The following RANBP1 variants were observed in gnomAD, a reference collection of about 807,000 sequenced individuals.
RANBP1 encodes ran-specific GTPase-activating protein.
In RANBP1, 16 loss-of-function variants were observed where a neutral mutation model predicts 31.4. The observed-to-expected ratio is 0.51, with a 90% CI of 0.34 to 0.77. RANBP1 has a LOEUF of 0.77. Ranked by LOEUF, RANBP1 falls within the 30% of genes least tolerant of loss-of-function variation. The probability of loss-of-function intolerance (pLI) is 0.01; values close to 1 mark genes in which losing one functional copy is unlikely to be tolerated. For missense variants in RANBP1, 265 were observed against 362.0 expected (o/e 0.73, Z 2.17); for synonymous variants, 129 against 140.5 (o/e 0.92, Z 0.58).
intron 1 of RANBP1, chr22:20,117,642 G>A: frequency 1.8e-6 from 2 of 1,120,306 alleles, no homozygotes; most frequent in Non-Finnish European, 2.2e-6. Flanking sequence ...CGCCGCCGCC[G>A]CGCCCCCATG....
At chr22:20,117,555 C>T (rs2147971018) in intron 1 of RANBP1, 1 of 1,410,542 alleles carries the variant, frequency 7.1e-7, no homozygotes, top group East Asian at 3.2e-5. Context: ...GGCGCCGGCG[C>T]CAGACGCGGA....
chr22:20,121,071 A>G (rs1036823293), intron 2 of RANBP1, among the ~76,000 whole-genome samples: 3 of 152,024 alleles, frequency 2.0e-5, no homozygotes, highest in Non-Finnish European at 4.4e-5. Flanking sequence ...TTCCTGCCTC[A>G]GCTTCTTGAA....
At chr22:20,119,908 C>G (rs1042350833) in intron 2 of RANBP1, among the ~76,000 whole-genome samples, 1 of 152,232 alleles carries the variant, frequency 6.6e-6, no homozygotes. Context: ...TGTACATGTG[C>G]TTCTTGACGC....
chr22:20,118,043 C>T, intron 1 of RANBP1: 1 of 993,028 alleles, frequency 1.0e-6, no homozygotes, highest in Non-Finnish European at 1.2e-6. Flanking sequence ...CTTTCCGTCG[C>T]CCACGCAGCA....
At position 20,119,058 on chromosome 22, in the gene RANBP1, T is replaced by C. The variant is rs763303315; in HGVS notation, c.292T>C (p.Ser98Pro). Reference sequence around the variant, plus strand: ...TACTTCCACTGAGAATACAGACGAGTCCAACCATGACCCTCAGTTTGAGCC... The same window carrying C: ...TACTTCCACTGAGAATACAGACGAGCCCAACCATGACCCTCAGTTTGAGCC... ...HDTSTENTDE[S>P]NHDPQFEPIV... is the part of the protein sequence containing the mutation. Residue 98 changes from serine (S) to proline (P), a missense_variant, in exon 2 of 6, where the codon TCC (serine) becomes CCC (proline). This residue lies in a region of RANBP1 where 90 missense variants were observed against 190.5 expected (regional missense o/e 0.47). Coordinates refer to ENST00000430524, the MANE Select transcript of RANBP1 (RefSeq NM_001278639.2). The C allele has an allele frequency of 3.1e-6, 5 of 1,612,554 alleles. No homozygotes were observed. In the East Asian group the frequency reaches 1.1e-4, roughly 36 times the overall value.
At chr22:20,116,534 C>T (rs1602524431) in intron 1 of RANBP1, 104 bp downstream of exon 1, 1 of 1,603,234 alleles carries the variant, frequency 6.2e-7, no homozygotes, top group Non-Finnish European at 8.5e-7. Flanking sequence ...GCTGCCGGGG[C>T]TGCAGGGGGC....
intron 1 of RANBP1, chr22:20,116,826 C>CATTTTTTAATGAT: frequency 6.9e-7 from 1 of 1,454,350 alleles, no homozygotes; most frequent in Non-Finnish European, 9.5e-7. Flanking sequence ...TTTCCTGACC[C>CATTTTTTAATGAT]ACCCCGCCTC....
chr22:20,120,641 T>C (rs539101286), intron 2 of RANBP1, among the ~76,000 whole-genome samples: 2 of 152,312 alleles, frequency 1.3e-5, no homozygotes, highest in South Asian at 4.1e-4. Flanking sequence ...CTGGGTGCCC[T>C]GGTCCCCAGC....
chr22:20,119,425 TTC>T, intron 2 of RANBP1: 1 of 420,656 alleles, frequency 2.4e-6, no homozygotes, highest in Non-Finnish European at 4.3e-6. Flanking sequence ...TGCCACTGGC[TTC>T]TGAGGATCCA....
chr22:20,123,681 G>A (rs1186243811), intron 3 of RANBP1, among the ~76,000 whole-genome samples: 3 of 151,962 alleles, frequency 2.0e-5, no homozygotes, highest in Non-Finnish European at 2.9e-5. Flanking sequence ...ATAAGTAGAG[G>A]CCCTTGGGCA....
chr22:20,117,504 G>A, intron 1 of RANBP1: 1 of 1,293,570 alleles, frequency 7.7e-7, no homozygotes, highest in Non-Finnish European at 9.8e-7. Context: ...CAGGGGTCGA[G>A]GTTCGGGTCG....
intron 3 of RANBP1, among the ~76,000 whole-genome samples, chr22:20,123,694 T>G (rs1054653434): frequency 4.6e-5 from 7 of 151,992 alleles, no homozygotes; most frequent in African/African-American, 1.7e-4. Flanking sequence ...CTTGGGCAGG[T>G]TCAGCCAAGA....
At chr22:20,126,601 A>G in intron 5 of RANBP1, 1 of 1,532,564 alleles carries the variant, frequency 6.5e-7, no homozygotes, top group Non-Finnish European at 8.8e-7. Flanking sequence ...GAGTCCGGGC[A>G]CTGCCTGGAG....
At chr22:20,116,900 C>T in intron 1 of RANBP1, 1 of 1,601,264 alleles carries the variant, frequency 6.2e-7, no homozygotes, top group South Asian at 1.1e-5. Flanking sequence ...TCGAGGTTCT[C>T]ACTCATCGCC....
chr22:20,116,279 C>T lies in RANBP1; in HGVS notation c.95C>T (p.Ala32Val). 6.2e-7 allele frequency: 1 copy of T among 1,612,952 alleles called. No individual in the cohort carries two copies. The highest frequency in any genetic ancestry group is 8.5e-7 in the Non-Finnish European group (1 of 1,180,030). ...ACGCGCAGGGCCTTGTCCCTCTCTGCAGCGCTGCGGAATGTCACAAAGGCG... is the reference window on the plus strand; with the variant it reads ...ACGCGCAGGGCCTTGTCCCTCTCTGTAGCGCTGCGGAATGTCACAAAGGCG... ...CKTRRALSLS[A>V]ALRNVTKAQG... is the part of the protein sequence containing the mutation. Residue 32 changes from alanine to valine, a missense_variant, in exon 1 of 6, where the codon GCA becomes GTA. Transcript: ENST00000430524.
At chr22:20,125,470 G>C in intron 4 of RANBP1, 34 bp downstream of exon 4, 1 of 1,580,688 alleles carries the variant, frequency 6.3e-7, no homozygotes, top group South Asian at 1.1e-5. Context: ...TGCCTGACTT[G>C]GGGCTCACCT....
chr22:20,119,558 C>T (rs906062774), intron 2 of RANBP1: 32 of 192,170 alleles, frequency 1.7e-4, no homozygotes, highest in Non-Finnish European at 6.6e-5. Flanking sequence ...GATGGAGTCT[C>T]GCTCTGTCGC....
At chr22:20,122,511 C>T (rs1485856883) in intron 3 of RANBP1, 90 bp downstream of exon 3, 53 of 1,595,258 alleles carry the variant, frequency 3.3e-5, no homozygotes, top group Non-Finnish European at 4.0e-5. Flanking sequence ...AACTGGGGAG[C>T]GTGTTATTTC....
At chr22:20,123,232 G>T (rs1187830252) in intron 3 of RANBP1, among the ~76,000 whole-genome samples, 1 of 138,468 alleles carries the variant, frequency 7.2e-6, no homozygotes, top group Non-Finnish European at 1.6e-5. Flanking sequence ...GTGTCTGGGG[G>T]GCGGGTGTGG....
Sources: gnomAD v4.1 joint callset for allele counts (sites outside exome capture counted in the v4.1 genomes callset) on GRCh38, gnomAD v4.1.1 for gene constraint, gnomAD v4.1.1 regional missense constraint, MANE v1.5 for transcripts, NCBI Gene and HGNC (gene_info 2026-07-23, HGNC 2026-07-21) for gene names.